ARID1B: variants seen among roughly 807,000 people sequenced by gnomAD.
ARID1B encodes AT-rich interaction domain 1B, also known as AT-rich interactive domain-containing protein 1B.
Under a neutral mutation model 212.3 loss-of-function variants are expected in ARID1B, and 30 were observed. That is an observed-to-expected ratio of 0.14 (90% confidence interval 0.11 to 0.19). The LOEUF (loss-of-function observed/expected upper bound fraction) is 0.19, where lower values mean the gene tolerates loss of function less well. ARID1B is among the 10% of genes least tolerant of loss of function. The pLI, the probability that ARID1B is intolerant of heterozygous loss-of-function variation, is 1.00. For missense variants in ARID1B, 2,891 were observed against 3,204.0 expected (o/e 0.90, Z 2.36); for synonymous variants, 1,402 against 1,301.7 (o/e 1.08, Z -1.66).
chr6:156,913,606 T>C (rs1790088173), intron 3 of ARID1B, among the ~76,000 whole-genome samples: 1 of 152,124 alleles, frequency 6.6e-6, no homozygotes, highest in Non-Finnish European at 1.5e-5. Context: ...CTAACTGAAA[T>C]TTTGTATCTT....
chr6:156,875,461 G>A (rs117894826), intron 2 of ARID1B, among the ~76,000 whole-genome samples: 2,718 of 152,312 alleles, frequency 0.018, 41 homozygotes, highest in Non-Finnish European at 0.028. Flanking sequence ...AATGTTAAAA[G>A]CCAGGTGAGG....
At chr6:157,097,074 C>T (rs75909927) in intron 5 of ARID1B, among the ~76,000 whole-genome samples, 3,604 of 152,156 alleles carry the variant, frequency 0.024, 72 homozygotes, top group Non-Finnish European at 0.041. Context: ...TTAGCTGTCT[C>T]GTTCTTTACT....
chr6:156,987,293 CT>C (rs1341742699), intron 4 of ARID1B, among the ~76,000 whole-genome samples: 1 of 151,488 alleles, frequency 6.6e-6, no homozygotes, highest in Admixed American at 6.6e-5. Context: ...GCTAATATTT[CT>C]GTTTCCTTTT....
At chr6:156,779,597 A>C in intron 1 of ARID1B, 126 bp downstream of exon 1, 10 of 1,009,918 alleles carry the variant, frequency 9.9e-6, no homozygotes, top group Non-Finnish European at 9.8e-6. Flanking sequence ...GCGGCGCCCA[A>C]AGCCATCTTG....
intron 4 of ARID1B, among the ~76,000 whole-genome samples, chr6:157,016,778 T>G (rs6936043): frequency 0.5 from 76,389 of 152,124 alleles, 19,379 homozygotes; most frequent in East Asian, 0.66. Flanking sequence ...CTAATCTTTC[T>G]TAAATGTATG....
intron 1 of ARID1B, among the ~76,000 whole-genome samples, chr6:156,824,499 T>C (rs1425398062): frequency 6.6e-6 from 1 of 152,202 alleles, no homozygotes; most frequent in African/African-American, 2.4e-5. Flanking sequence ...GCGCAGCGGC[T>C]CACGCCTGTA....
At chr6:157,083,967 C>T (rs1274237273) in intron 4 of ARID1B, among the ~76,000 whole-genome samples, 2 of 151,654 alleles carry the variant, frequency 1.3e-5, no homozygotes, top group African/African-American at 4.8e-5. Flanking sequence ...AACCCCGTCT[C>T]TATTAAAAAT....
intron 4 of ARID1B, among the ~76,000 whole-genome samples, chr6:156,952,934 A>G (rs924837848): frequency 2.6e-5 from 4 of 152,140 alleles, no homozygotes; most frequent in Non-Finnish European, 5.9e-5. Context: ...CTTCAAGAAG[A>G]CTTTAGCTCC....
chr6:156,840,048 C>T (rs1224190660), intron 2 of ARID1B, among the ~76,000 whole-genome samples: 1 of 152,176 alleles, frequency 6.6e-6, no homozygotes, highest in Non-Finnish European at 1.5e-5. Context: ...TCGACAGTTC[C>T]AAAGTTTTTC....
Position 156,779,391 on chromosome 6 carries a change from C to T in ARID1B, c.1711C>T (p.Pro571Ser). 2 of 1,419,670 alleles carry T rather than the reference C, an allele frequency of 1.4e-6. No homozygotes were observed. The highest frequency in any genetic ancestry group is 1.8e-6 in the Non-Finnish European group (2 of 1,081,424). The allele number at this position is 1,419,670 out of a possible 1,614,324, so 87.9% of individuals were successfully genotyped here. A position where few individuals can be genotyped will look rare whatever the true frequency, so the allele number is the denominator to read the frequency against. Residue 571 changes from proline to serine, a missense_variant, in exon 1 of 20, where the codon CCG becomes TCG. Physicochemically the swap from Pro to Ser is moderately conservative, Grantham distance 74. This residue lies in a region of ARID1B where 1,643 missense variants were observed against 1,544.0 expected (regional missense o/e 1.06). Coordinates refer to ENST00000636930, the MANE Select transcript of ARID1B (RefSeq NM_001374828.1). ...DMGAQYAAAS[P>S]AWAAAQQRSH... is the part of the protein sequence containing the mutation. ...GGGCGCCCAGTACGCCGCTGCCAGC[C>T]CGGCCTGGGCGGCCGCGCAACAAAG...
At position 157,190,542 on chromosome 6, in the gene ARID1B, C is replaced by T. The variant is rs746475901; in HGVS notation, c.4231+332C>T. 3.3e-5 allele frequency among the ~76,000 whole-genome samples: 5 copies of T among 152,188 alleles called. No homozygotes were observed. The highest frequency in any genetic ancestry group is 6.5e-5 in the Admixed American group (1 of 15,288). On this transcript the variant is annotated intron_variant, in intron 15 of 19. Transcript: ENST00000636930. The surrounding 1 kb of genome is among the most constrained non-coding windows in gnomAD (Gnocchi z 4.6). Reference sequence around the variant, plus strand: ...ATAGGACCCGCTTCCAAAGGCATGGCGAGGATTAAGTTCCTGCAACAGAGC... The same window carrying T: ...ATAGGACCCGCTTCCAAAGGCATGGTGAGGATTAAGTTCCTGCAACAGAGC...
intron 2 of ARID1B, among the ~76,000 whole-genome samples, chr6:156,838,709 TATAATA>T (rs35310749): frequency 6.9e-5 from 10 of 145,862 alleles, no homozygotes; most frequent in East Asian, 2.0e-4. Flanking sequence ...GAACTTAAAG[TATAATA>T]ATAATAATAA....
At chr6:157,111,637 T>A (rs907465846) in intron 6 of ARID1B, among the ~76,000 whole-genome samples, 2 of 152,192 alleles carry the variant, frequency 1.3e-5, no homozygotes, top group Admixed American at 1.3e-4. Flanking sequence ...AGGTTTAAGT[T>A]ATTTTACATG....
At chr6:157,044,962 C>T (rs1782133109) in intron 4 of ARID1B, among the ~76,000 whole-genome samples, 1 of 152,106 alleles carries the variant, frequency 6.6e-6, no homozygotes, top group African/African-American at 2.4e-5. Context: ...TTTAGCATAA[C>T]AGCCATTTAT....
intron 4 of ARID1B, 77 bp downstream of exon 4, chr6:156,935,653 T>A: frequency 1.6e-6 from 2 of 1,261,826 alleles, no homozygotes; most frequent in East Asian, 2.4e-5. Context: ...TTGTTTGTTC[T>A]ACTTTATATT....
At chr6:157,002,508 A>G (rs1239874530) in intron 4 of ARID1B, among the ~76,000 whole-genome samples, 1 of 152,220 alleles carries the variant, frequency 6.6e-6, no homozygotes, top group African/African-American at 2.4e-5. Flanking sequence ...AACAAACTTA[A>G]CTGTGTAGCC....
At chr6:156,992,158 G>T (rs549282293) in intron 4 of ARID1B, among the ~76,000 whole-genome samples, 7 of 152,304 alleles carry the variant, frequency 4.6e-5, no homozygotes, top group Middle Eastern at 3.4e-3. Context: ...TGTCAATGCA[G>T]ATTGCACTAA....
intron 4 of ARID1B, chr6:157,022,771 A>G (rs535183903): frequency 6.6e-6 from 1 of 152,120 alleles, no homozygotes; most frequent in Admixed American, 6.5e-5. Context: ...TTATGTGTGT[A>G]TTTTTATCAG....
In ARID1B at chr6:157,206,271, A is replaced by C. The variant is rs760264273; in HGVS notation, c.5499A>C (p.Ala1833=). 1.2e-6 allele frequency: 2 copies of C among 1,614,208 alleles called. No individual in the cohort carries two copies. The highest frequency in any genetic ancestry group is 2.2e-5 in the South Asian group (2 of 91,082). The change falls in exon 20 of 20, where the codon GCA becomes GCC. Residue 1833 remains alanine (A), a synonymous_variant. Coordinates refer to ENST00000636930, the MANE Select transcript of ARID1B (RefSeq NM_001374828.1). The surrounding 1 kb of genome is among the most constrained non-coding windows in gnomAD (Gnocchi z 6.8). ...EYEVGDPSQK[A]LDHNAARKDD... The stretch of plus-strand genomic sequence containing the variant: ...AAGTGGGAGACCCCAGCCAAAAAGC[A>C]CTTGATCACAACGCAGCAAGGAAGG...
Sources: allele counts gnomAD v4.1 joint callset (sites outside exome capture counted in the v4.1 genomes callset), GRCh38; gene constraint gnomAD v4.1.1; regional missense constraint gnomAD v4.1.1; non-coding constraint Gnocchi (gnomAD v3.1); transcripts MANE v1.5; gene names NCBI Gene and HGNC (gene_info 2026-07-23, HGNC 2026-07-21).